NRG3: variants seen among roughly 807,000 people sequenced by gnomAD.
The protein encoded by NRG3 is neuregulin 3.
Under a neutral mutation model 66.9 loss-of-function variants are expected in NRG3, and 31 were observed. The observed-to-expected ratio is 0.46, with a 90% CI of 0.35 to 0.63. The LOEUF (loss-of-function observed/expected upper bound fraction) is 0.63, where lower values mean the gene tolerates loss of function less well. Ranked by LOEUF, NRG3 falls within the 20% of genes least tolerant of loss-of-function variation. NRG3 has a pLI of 0.00. For synonymous variants in NRG3, 393 were observed against 359.4 expected (o/e 1.09, Z -1.06); for missense variants, 910 against 878.9 (o/e 1.04, Z -0.45).
intron 3 of NRG3, among the ~76,000 whole-genome samples, chr10:82,803,355 TG>T (rs1266730434): frequency 6.6e-6 from 1 of 152,216 alleles, no homozygotes; most frequent in Non-Finnish European, 1.5e-5. Flanking sequence ...CTTATTTGTG[TG>T]GGACTCTAAA....
chr10:82,520,891 A>C (rs1194367324), intron 2 of NRG3, among the ~76,000 whole-genome samples: 1 of 152,138 alleles, frequency 6.6e-6, no homozygotes, highest in African/African-American at 2.4e-5. Flanking sequence ...AGGGCATTCT[A>C]ATTCTCTGTC....
At chr10:82,008,475 C>G (rs1360056922) in intron 1 of NRG3, among the ~76,000 whole-genome samples, 1 of 152,152 alleles carries the variant, frequency 6.6e-6, no homozygotes, top group African/African-American at 2.4e-5. Context: ...CAGCAAATAT[C>G]TGTTGAATGT....
intron 2 of NRG3, among the ~76,000 whole-genome samples, chr10:82,446,282 T>G (rs1318679221): frequency 6.6e-6 from 1 of 152,188 alleles, no homozygotes; most frequent in Non-Finnish European, 1.5e-5. Context: ...AAGTAGGTGT[T>G]TAATAATTAT....
At chr10:82,111,523 A>G (rs1004654016) in intron 1 of NRG3, among the ~76,000 whole-genome samples, 1 of 152,128 alleles carries the variant, frequency 6.6e-6, no homozygotes, top group African/African-American at 2.4e-5. Flanking sequence ...ACATTCTGTC[A>G]TCTTTTAGAT....
chr10:82,334,739 G>A (rs1406577078), intron 1 of NRG3, among the ~76,000 whole-genome samples: 1 of 152,156 alleles, frequency 6.6e-6, no homozygotes, highest in Non-Finnish European at 1.5e-5. Context: ...ATCTGTGTTT[G>A]AGTAATGATA....
At chr10:82,803,566 A>C (rs1713588634) in intron 3 of NRG3, among the ~76,000 whole-genome samples, 1 of 150,822 alleles carries the variant, frequency 6.6e-6, no homozygotes, top group South Asian at 2.1e-4. Context: ...TTTTTCTTTC[A>C]TTCATTCATT....
At chr10:82,413,961 A>G (rs1358885021) in intron 2 of NRG3, among the ~76,000 whole-genome samples, 1 of 152,112 alleles carries the variant, frequency 6.6e-6, no homozygotes, top group Non-Finnish European at 1.5e-5. Context: ...TTCTATTCAG[A>G]CCACTAAAAC....
chr10:82,097,523 A>G (rs1020955385), intron 1 of NRG3, among the ~76,000 whole-genome samples: 6 of 150,166 alleles, frequency 4.0e-5, no homozygotes, highest in Non-Finnish European at 8.9e-5. Context: ...TGTTATATAT[A>G]TCTGTGATAT....
chr10:82,602,646 T>C (rs2047706644), intron 2 of NRG3, among the ~76,000 whole-genome samples: 1 of 152,114 alleles, frequency 6.6e-6, no homozygotes, highest in Admixed American at 6.6e-5. Context: ...ACCTAATATG[T>C]TTTTTTGAGA....
chr10:82,149,838 C>T (rs971208558), intron 1 of NRG3, among the ~76,000 whole-genome samples: 1 of 152,048 alleles, frequency 6.6e-6, no homozygotes, highest in Non-Finnish European at 1.5e-5. Context: ...TTGTCCACAG[C>T]CCAGTTCTGA....
At chr10:82,844,241 C>G (rs1278330305) in intron 3 of NRG3, among the ~76,000 whole-genome samples, 3 of 152,104 alleles carry the variant, frequency 2.0e-5, no homozygotes, top group African/African-American at 4.8e-5. Context: ...CCTTAAGTGT[C>G]TCTTTCTAAT....
At chr10:82,851,351 G>A (rs1418005412) in intron 3 of NRG3, among the ~76,000 whole-genome samples, 1 of 152,054 alleles carries the variant, frequency 6.6e-6, no homozygotes, top group Admixed American at 6.6e-5. Context: ...TGGTATTGAC[G>A]ATCCTTGTCT....
At chr10:82,114,044 C>T (rs911662631) in intron 1 of NRG3, among the ~76,000 whole-genome samples, 3 of 152,164 alleles carry the variant, frequency 2.0e-5, no homozygotes, top group South Asian at 4.1e-4. Context: ...TATCAGTCTC[C>T]CTGCTCTGGA....
intron 2 of NRG3, among the ~76,000 whole-genome samples, chr10:82,523,822 C>G (rs181381196): frequency 1.9e-3 from 291 of 152,174 alleles, no homozygotes; most frequent in Middle Eastern, 0.01. Context: ...TCCTCCTGGA[C>G]TTTTTGGCTC....
chr10:82,398,518 T>TGA (rs1379663997), intron 2 of NRG3, among the ~76,000 whole-genome samples: 4 of 143,028 alleles, frequency 2.8e-5, no homozygotes, highest in East Asian at 2.0e-4. Flanking sequence ...TGTGTGTGTG[T>TGA]GTGTGTGTGA....
At position 82,803,455 on chromosome 10, in the gene NRG3, A is replaced by G. The variant is rs571236024; in HGVS notation, c.1028-61956A>G. On this transcript the variant is annotated intron_variant, in intron 3 of 8. Transcript: ENST00000372141. ...GCATCAACAGAAGTATGTGTATTTC[A>G]TCTTTGCTGAAGGGCACATTTAAAA... Among the ~76,000 whole-genome samples, 45 of 152,344 alleles carry G rather than the reference A, an allele frequency of 3.0e-4. No homozygotes were observed. The Middle Eastern group carries it at 0.014, about 46-fold the overall frequency.
chr10:82,727,223 A>G (rs1366365663), intron 2 of NRG3, among the ~76,000 whole-genome samples: 1 of 152,236 alleles, frequency 6.6e-6, no homozygotes, highest in Non-Finnish European at 1.5e-5. Context: ...TGCATAAGTA[A>G]CAAGGAGCCG....
intron 2 of NRG3, among the ~76,000 whole-genome samples, chr10:82,571,536 A>G (rs181607117): frequency 1.3e-5 from 2 of 151,750 alleles, no homozygotes; most frequent in African/African-American, 4.8e-5. Flanking sequence ...CAGCCATACT[A>G]CTGTTGTGAA....
At chr10:81,902,503 C>T (rs982356845) in intron 1 of NRG3, among the ~76,000 whole-genome samples, 1 of 152,118 alleles carries the variant, frequency 6.6e-6, no homozygotes, top group African/African-American at 2.4e-5. Context: ...TTTCCTTTCT[C>T]TGCTCTTGGG....
Sources: allele counts gnomAD v4.1 joint callset (sites outside exome capture counted in the v4.1 genomes callset), GRCh38; gene constraint gnomAD v4.1.1; transcripts MANE v1.5; gene names NCBI Gene and HGNC (gene_info 2026-07-23, HGNC 2026-07-21).